MKRN2OS: variants seen among roughly 807,000 people sequenced by gnomAD.
The protein encoded by MKRN2OS is MKRN2 opposite strand, also known as MKRN2 opposite strand protein.
MKRN2OS carries 17 observed loss-of-function variants against 18.2 expected under a neutral mutation model. The ratio of observed to expected loss-of-function variants is 0.93; its 90% confidence interval spans 0.64 to 1.40. MKRN2OS has a LOEUF of 1.40. Among genes scored for constraint, MKRN2OS ranks in the 40% most tolerant of loss-of-function variants. The probability of loss-of-function intolerance (pLI) is 0.00; values close to 1 mark genes in which losing one functional copy is unlikely to be tolerated. For missense variants in MKRN2OS, 337 were observed against 283.0 expected, an observed-to-expected ratio of 1.19 and a Z score of -1.37; for synonymous variants, 121 against 108.5, an observed-to-expected ratio of 1.12 and a Z score of -0.72.
chr3:12,541,671 G>A (rs182273847), intron 3 of MKRN2OS, among the ~76,000 whole-genome samples, 189 bp downstream of exon 3: 47 of 152,224 alleles, frequency 3.1e-4, no homozygotes, highest in Admixed American at 2.7e-3. Context: ...TGTGTATGCT[G>A]ACCCACCTCT....
chr3:12,540,044 C>T lies in MKRN2OS; in HGVS notation c.*149G>A. 1 of 1,209,122 alleles carries T rather than the reference C, an allele frequency of 8.3e-7. No homozygotes were observed. Among genetic ancestry groups the T allele is most frequent in the East Asian group, 2.6e-5 (1 of 38,872 alleles). 74.9% of individuals were successfully genotyped at this position (1,209,122 alleles called of 1,614,324 possible). On this transcript the variant is annotated 3_prime_UTR_variant, in exon 4 of 4. Transcript: ENST00000564146. Reference sequence around the variant, plus strand: ...AGGTGACCTACCTGTCTTAGCTTCCCAAAGTGCTGGGATTACAGGTGTGAG... The same window carrying T: ...AGGTGACCTACCTGTCTTAGCTTCCTAAAGTGCTGGGATTACAGGTGTGAG...
chr3:12,552,387 A>C (rs989404106), downstream of MKRN2OS, among the ~76,000 whole-genome samples: 3 of 150,390 alleles, frequency 2.0e-5, no homozygotes, highest in African/African-American at 7.4e-5. Flanking sequence ...GAAAGCAATT[A>C]GATATTTTAA....
At chr3:12,544,983 A>T (rs761020922) in intron 1 of MKRN2OS, among the ~76,000 whole-genome samples, 1 of 152,220 alleles carries the variant, frequency 6.6e-6, no homozygotes, top group African/African-American at 2.4e-5. Context: ...CTCTGAGCAC[A>T]TATTTTTCTC....
At chr3:12,559,529 A>C (rs1323338448) in intron 1 of MKRN2OS, among the ~76,000 whole-genome samples, 1 of 152,178 alleles carries the variant, frequency 6.6e-6, no homozygotes, top group Non-Finnish European at 1.5e-5. Context: ...GAATGACAGC[A>C]GAATAATGTC....
In MKRN2OS at chr3:12,545,381, G is replaced by C. The variant is rs2057872125; in HGVS notation, c.84C>G (p.Cys28Trp). 6.5e-7 allele frequency: 1 copy of C among 1,535,920 alleles called. No homozygotes were observed. The highest frequency in any genetic ancestry group is 2.0e-5 in the Admixed American group (1 of 50,980). The change falls in exon 1 of 4, where the codon TGC becomes TGG. Residue 28 changes from cysteine (C) to tryptophan (W), a missense_variant. Cys to Trp is a radical substitution (Grantham distance 215). Transcript: ENST00000564146. ...KYIYSFSVPQ[C>W]CPLCQQDLGS... ...CCAGGTCCTGCTGGCAGAGAGGGCA[G>C]CACTGGGGCACACTGAAGCTGTAGA...
chr3:12,557,285 A>G, intron 1 of MKRN2OS: 2 of 1,412,694 alleles, frequency 1.4e-6, no homozygotes, highest in Non-Finnish European at 1.9e-6. Flanking sequence ...GGACTCGGAA[A>G]GTTACTCGGC....
At chr3:12,540,528 C>T (rs551127326) in intron 3 of MKRN2OS, 95 bp from the exon 4 acceptor site, 8 of 1,459,386 alleles carry the variant, frequency 5.5e-6, no homozygotes, top group Non-Finnish European at 7.4e-6. Flanking sequence ...TCGGGTGCCT[C>T]AGCAAGCAAG....
intron 1 of MKRN2OS, chr3:12,557,139 A>G (rs1274241359): frequency 2.0e-6 from 3 of 1,512,170 alleles, no homozygotes; most frequent in South Asian, 2.5e-5. Context: ...ACGGTCCCTC[A>G]GCCCAGCCAC....
At chr3:12,557,210 TC>T (rs774310221) in intron 1 of MKRN2OS, 3 of 1,530,876 alleles carry the variant, frequency 2.0e-6, no homozygotes. Flanking sequence ...TTCGGGCCGC[TC>T]CCCCAGGCCG....
intron 1 of MKRN2OS, among the ~76,000 whole-genome samples, chr3:12,555,304 T>C (rs1290866231): frequency 9.4e-5 from 10 of 106,220 alleles, no homozygotes; most frequent in Admixed American, 1.1e-4. Context: ...AGAGCAAGAC[T>C]CCGTCTCAAA....
Position 12,540,293 on chromosome 3 carries a change from T to C in MKRN2OS, c.572A>G (p.Lys191Arg). The C allele has an allele frequency of 6.5e-7, 1 of 1,536,148 alleles. No homozygotes were observed. The highest frequency in any genetic ancestry group is 8.7e-7 in the Non-Finnish European group (1 of 1,146,912). ...YVVPRTRLAS[K>R]FITLYRAIRE... ...TATCGCCCGGTAGAGTGTGATGAAC[T>C]TGGATGCCAGCCTTGTCCGCGGGAC... Residue 191 changes from lysine to arginine, a missense_variant, in exon 4 of 4, where the codon AAG (lysine) becomes AGG (arginine). Lys to Arg is a conservative substitution (Grantham distance 26). Transcript: ENST00000564146.
At chr3:12,545,547 C>A, upstream of MKRN2OS, 1 of 1,057,010 alleles carries the variant, frequency 9.5e-7, no homozygotes, top group Non-Finnish European at 1.3e-6. Context: ...CACACCGCCC[C>A]AAGGAACCTG....
At chr3:12,558,294 A>G (rs1323519140) in intron 1 of MKRN2OS, among the ~76,000 whole-genome samples, 1 of 152,218 alleles carries the variant, frequency 6.6e-6, no homozygotes, top group Non-Finnish European at 1.5e-5. Context: ...TAGTGTCTAT[A>G]AAAAGACTTT....
At chr3:12,557,061 T>C (rs2057978825) in intron 1 of MKRN2OS, 3 of 1,036,728 alleles carry the variant, frequency 2.9e-6, no homozygotes, top group South Asian at 2.2e-5. Context: ...GTGACGCGGC[T>C]ACGCGGGATG....
upstream of MKRN2OS, among the ~76,000 whole-genome samples, chr3:12,545,940 G>A (rs2057878960): frequency 6.6e-6 from 1 of 152,112 alleles, no homozygotes. Context: ...CGGAGTAGCT[G>A]GGACTACAGA....
intron 1 of MKRN2OS, among the ~76,000 whole-genome samples, chr3:12,544,371 C>T (rs907138479): frequency 1.3e-5 from 2 of 152,048 alleles, no homozygotes; most frequent in Admixed American, 6.6e-5. Flanking sequence ...GTAAACTCCA[C>T]GGGGACAATA....
upstream of MKRN2OS, among the ~76,000 whole-genome samples, chr3:12,548,435 G>A (rs370299886): frequency 1.2e-3 from 163 of 130,684 alleles, no homozygotes; most frequent in South Asian, 0.044. Flanking sequence ...GCGACAGAGC[G>A]AGACTCCGTC....
chr3:12,560,610 ACTG>A, intron 1 of MKRN2OS: 1 of 152,326 alleles, frequency 6.6e-6, no homozygotes, highest in Non-Finnish European at 1.5e-5. Flanking sequence ...TTTGCTTAGC[ACTG>A]CTGCTGCTGG....
chr3:12,544,639 A>G (rs1346263622), intron 1 of MKRN2OS, among the ~76,000 whole-genome samples: 1 of 151,268 alleles, frequency 6.6e-6, no homozygotes, highest in Non-Finnish European at 1.5e-5. Flanking sequence ...CTGAGACACC[A>G]TTGCACTCCA....
Sources: gnomAD v4.1 joint callset for allele counts (sites outside exome capture counted in the v4.1 genomes callset) on GRCh38, gnomAD v4.1.1 for gene constraint, MANE v1.5 for transcripts, NCBI Gene and HGNC (gene_info 2026-07-23, HGNC 2026-07-21) for gene names.